TRIM14: variants seen among roughly 807,000 people sequenced by gnomAD.
The protein encoded by TRIM14 is tripartite motif-containing protein 14.
TRIM14 carries 28 observed loss-of-function variants against 44.5 expected under a neutral mutation model. The ratio of observed to expected loss-of-function variants is 0.63; its 90% CI spans 0.47 to 0.86. The LOEUF (loss-of-function observed/expected upper bound fraction) is 0.86. Among genes scored for constraint, TRIM14 ranks in the 40% least tolerant of loss-of-function variants. The pLI, the probability that TRIM14 is intolerant of heterozygous loss-of-function variation, is 0.00. For synonymous variants in TRIM14, 299 were observed against 269.2 expected (o/e 1.11, Z -1.08); for missense variants, 607 against 611.1 (o/e 0.99, Z 0.07).
At chr9:98,083,067 C>A, downstream of TRIM14, 2 of 1,612,346 alleles carry the variant, frequency 1.2e-6, no homozygotes, top group South Asian at 2.2e-5. Flanking sequence ...AATAAAGTGC[C>A]ATTCTCTGAA....
At chr9:98,078,629 A>T (rs1829702114) in intron 6 of TRIM14, among the ~76,000 whole-genome samples, 1 of 151,932 alleles carries the variant, frequency 6.6e-6, no homozygotes, top group Admixed American at 6.6e-5. Context: ...TGAGGTCAGG[A>T]GTTCGAGACT....
At chr9:98,107,101 C>A (rs1587969369) in intron 2 of TRIM14, among the ~76,000 whole-genome samples, 1 of 152,192 alleles carries the variant, frequency 6.6e-6, no homozygotes, top group East Asian at 1.9e-4. Flanking sequence ...TCACTACACA[C>A]AGATTATGCA....
chr9:98,071,269 T>G (rs1427085539), intron 6 of TRIM14, among the ~76,000 whole-genome samples: 1 of 152,216 alleles, frequency 6.6e-6, no homozygotes, highest in African/African-American at 2.4e-5. Context: ...CCCGACTGTA[T>G]GATGCACACC....
chr9:98,078,057 C>G (rs757404393), intron 6 of TRIM14: 245 of 1,326,564 alleles, frequency 1.8e-4, no homozygotes, highest in East Asian at 2.7e-4. Context: ...TCTGTTCCCC[C>G]ACAGGGGCTG....
At chr9:98,079,883 A>C (rs1829775558), downstream of TRIM14, among the ~76,000 whole-genome samples, 1 of 152,180 alleles carries the variant, frequency 6.6e-6, no homozygotes, top group Admixed American at 6.5e-5. Flanking sequence ...CCTGGTTTTC[A>C]AGGCCTTTGC....
intron 3 of TRIM14, among the ~76,000 whole-genome samples, chr9:98,097,147 T>C (rs1435606206): frequency 6.6e-6 from 1 of 152,140 alleles, no homozygotes; most frequent in African/African-American, 2.4e-5. Flanking sequence ...TAAGCTGAGA[T>C]TGAGCCACTG....
intron 2 of TRIM14, among the ~76,000 whole-genome samples, chr9:98,102,240 C>T (rs190173124): frequency 6.6e-6 from 1 of 152,292 alleles, no homozygotes; most frequent in East Asian, 1.9e-4. Flanking sequence ...ACTCCACCTC[C>T]AGCTCCTGCC....
chr9:98,052,376 A>C, the TRIM14 span, among the ~76,000 whole-genome samples: 1 of 151,988 alleles, frequency 6.6e-6, no homozygotes, highest in Non-Finnish European at 1.5e-5. Context: ...CCTTCAGAAA[A>C]ATAAGATCCA....
At chr9:98,108,599 G>T (rs546858378) in intron 2 of TRIM14, among the ~76,000 whole-genome samples, 6 of 151,894 alleles carry the variant, frequency 4.0e-5, no homozygotes, top group African/African-American at 7.3e-5. Context: ...CTTCCAACGT[G>T]ACAGCTTTCA....
rs559435311 is a variant in TRIM14 at position 98,118,070 on chromosome 9, C to T, written c.207+912G>A. Among the ~76,000 whole-genome samples, 8 of 152,132 alleles carry T rather than the reference C, an allele frequency of 5.3e-5. No homozygotes were observed. The East Asian group carries it at 7.7e-4, about 15-fold the overall frequency. On this transcript the variant is annotated intron_variant, in intron 1 of 5. Coordinates refer to ENST00000341469, the MANE Select transcript of TRIM14 (RefSeq NM_014788.4). ...GTGGTGGTCTGGAGTCATGCAGTACCGGAGAAAGGCTCACGATGGGGCTGA... is the reference window on the plus strand; with the variant it reads ...GTGGTGGTCTGGAGTCATGCAGTACTGGAGAAAGGCTCACGATGGGGCTGA...
chr9:98,082,878 T>G (rs186141807), downstream of TRIM14: 536 of 1,614,150 alleles, frequency 3.3e-4, 1 homozygote, highest in Non-Finnish European at 4.4e-4. Flanking sequence ...AAGTGAAAAT[T>G]CCGGAAGGCA....
At chr9:98,094,807 C>T (rs917032935) in intron 4 of TRIM14, 60 bp downstream of exon 4, 1 of 1,564,448 alleles carries the variant, frequency 6.4e-7, no homozygotes, top group Non-Finnish European at 8.7e-7. Flanking sequence ...TTGCATTCGT[C>T]TCTGGGCTAA....
At chr9:98,037,244 G>A in the TRIM14 span, among the ~76,000 whole-genome samples, 1 of 152,180 alleles carries the variant, frequency 6.6e-6, no homozygotes, top group African/African-American at 2.4e-5. Flanking sequence ...TGGGTGTGGT[G>A]GCAGGCACCT....
intron 2 of TRIM14, among the ~76,000 whole-genome samples, chr9:98,101,890 C>A (rs1826406296): frequency 6.6e-6 from 1 of 151,664 alleles, no homozygotes. Context: ...TGTCTGTAAT[C>A]CCAGCTACTT....
downstream of TRIM14, among the ~76,000 whole-genome samples, chr9:98,080,656 T>C (rs988527210): frequency 4.6e-5 from 7 of 152,228 alleles, no homozygotes; most frequent in Admixed American, 2.0e-4. Context: ...GGTATTATTA[T>C]CATCCCTAGG....
rs1000371035 is a variant in TRIM14, at chr9:98,087,897, G to T, written c.902C>A (p.Pro301His). 26 of 1,569,990 alleles carry T rather than the reference G, an allele frequency of 1.7e-5. No individual in the cohort carries two copies. In the African/African-American group the frequency reaches 2.4e-4, roughly 14 times the overall value. ...CCAGAGCGCGTCGAACCGCAGCACG[G>T]GCACGGGCCCCAGGCTGCCCAGCAG... ...CGLLGSLGPVPVLRFDALWQV... is the reference protein window; with the variant it reads ...CGLLGSLGPVHVLRFDALWQV... The change falls in exon 6 of 6, where the codon CCC (proline) becomes CAC (histidine). Residue 301 changes from proline (P) to histidine (H), a missense_variant. Physicochemically the swap from Pro to His is moderately conservative, Grantham distance 77. Around this residue, in one of 3 missense-constraint regions of TRIM14, gnomAD observed 356 missense variants for 323.0 expected, o/e 1.10. Transcript: ENST00000341469.
chr9:98,111,373 G>A (rs551225259), intron 1 of TRIM14, among the ~76,000 whole-genome samples: 25 of 152,030 alleles, frequency 1.6e-4, no homozygotes, highest in African/African-American at 4.6e-4. Flanking sequence ...AGGAGTTTGA[G>A]ACCAGCCTGA....
chr9:98,061,643 G>T, the TRIM14 span, among the ~76,000 whole-genome samples: 1 of 150,504 alleles, frequency 6.6e-6, no homozygotes, highest in African/African-American at 2.5e-5. Context: ...AGCTGGGCGT[G>T]GTGGCATGCG....
rs114446518 is a variant in TRIM14, at chr9:98,095,000, C to T, written c.567G>A (p.Gln189=). The T allele has an allele frequency of 6.2e-5, 100 of 1,614,008 alleles. No homozygotes were observed. The African/African-American group carries it at 1.1e-3, about 18-fold the overall frequency. Residue 189 remains glutamine (Q), a synonymous_variant, in exon 4 of 6, where the codon CAG becomes CAA. Coordinates refer to ENST00000341469, the MANE Select transcript of TRIM14 (RefSeq NM_014788.4). The part of the protein sequence containing the change: ...QAYTATEQEM[Q]QQMSLGELCH... ...ACAGCTCCCCGAGGCTCATCTGCTGCTGCATCTCCTGCTCGGTGGCCGTGT... is the reference window on the plus strand; with the variant it reads ...ACAGCTCCCCGAGGCTCATCTGCTGTTGCATCTCCTGCTCGGTGGCCGTGT...
Sources: allele counts gnomAD v4.1 joint callset (sites outside exome capture counted in the v4.1 genomes callset), GRCh38; gene constraint gnomAD v4.1.1; regional missense constraint gnomAD v4.1.1; transcripts MANE v1.5; gene names NCBI Gene and HGNC (gene_info 2026-07-23, HGNC 2026-07-21).